The following FMNL2 variants were observed in gnomAD, a reference collection of about 807,000 sequenced individuals.
The protein encoded by FMNL2 is formin-like protein 2.
A neutral mutation model predicts 130.2 loss-of-function variants in FMNL2; 51 were observed. The ratio of observed to expected loss-of-function variants is 0.39; its 90% CI spans 0.31 to 0.49. The LOEUF is 0.49. Ranked by LOEUF, FMNL2 falls within the 20% of genes least tolerant of loss-of-function variation. FMNL2 has a pLI of 0.85. For synonymous variants in FMNL2, 465 were observed against 467.1 expected (o/e 1.00, Z 0.06); for missense variants, 977 against 1,316.2 (o/e 0.74, Z 3.99).
At chr2:152,430,691 G>A (rs1291369821) in intron 1 of FMNL2, among the ~76,000 whole-genome samples, 1 of 152,136 alleles carries the variant, frequency 6.6e-6, no homozygotes, top group Admixed American at 6.6e-5. Context: ...TGGGCAACAT[G>A]GTGAAACCTC....
intron 6 of FMNL2, among the ~76,000 whole-genome samples, chr2:152,574,403 G>A (rs1320803851): frequency 1.4e-5 from 2 of 140,974 alleles, no homozygotes; most frequent in Non-Finnish European, 3.0e-5. Flanking sequence ...GCCACTGCAC[G>A]CCAGCCTGGT....
intron 1 of FMNL2, among the ~76,000 whole-genome samples, chr2:152,503,358 A>G (rs1364833641): frequency 1.3e-5 from 2 of 152,138 alleles, no homozygotes; most frequent in African/African-American, 2.4e-5. Context: ...CTGACCTATT[A>G]TAGGATTCTT....
At chr2:152,455,916 C>T (rs918507500) in intron 1 of FMNL2, among the ~76,000 whole-genome samples, 13 of 152,128 alleles carry the variant, frequency 8.5e-5, no homozygotes, top group African/African-American at 2.2e-4. Context: ...GGTCTCACTA[C>T]GTTGCCCAGT....
chr2:152,510,825 T>C (rs1190839045), intron 1 of FMNL2, among the ~76,000 whole-genome samples: 1 of 152,204 alleles, frequency 6.6e-6, no homozygotes, highest in Non-Finnish European at 1.5e-5. Flanking sequence ...TTGGCTGGGC[T>C]TGTCTGGAGA....
intron 1 of FMNL2, chr2:152,390,393 G>C: frequency 1.9e-6 from 2 of 1,066,424 alleles, no homozygotes; most frequent in Non-Finnish European, 2.9e-6. Flanking sequence ...CAATAAGATG[G>C]AGTGGTGGAG....
At chr2:152,411,794 G>T (rs1374165646) in intron 1 of FMNL2, among the ~76,000 whole-genome samples, 1 of 152,208 alleles carries the variant, frequency 6.6e-6, no homozygotes, top group Non-Finnish European at 1.5e-5. Context: ...ACTTCTGGGA[G>T]CTGAGCACAT....
At chr2:152,514,831 T>A (rs1193802903) in intron 1 of FMNL2, among the ~76,000 whole-genome samples, 1 of 152,164 alleles carries the variant, frequency 6.6e-6, no homozygotes, top group African/African-American at 2.4e-5. Context: ...CTCAGGGAAC[T>A]GAAATAGCGA....
chr2:152,341,514 C>T (rs914566938), intron 1 of FMNL2, among the ~76,000 whole-genome samples: 10 of 152,272 alleles, frequency 6.6e-5, no homozygotes, highest in Admixed American at 5.9e-4. Flanking sequence ...TAGCATTGGC[C>T]TGGGAGGCAG....
intron 1 of FMNL2, among the ~76,000 whole-genome samples, chr2:152,449,526 G>T (rs2105058846): frequency 6.6e-6 from 1 of 152,254 alleles, no homozygotes; most frequent in South Asian, 2.1e-4. Context: ...GGTTCTCATG[G>T]TAAGTGCCTC....
chr2:152,393,998 G>C, intron 1 of FMNL2, among the ~76,000 whole-genome samples: 2 of 152,316 alleles, frequency 1.3e-5, no homozygotes, highest in Admixed American at 1.3e-4. Context: ...GGCTGTAGAA[G>C]AACAGGCGGT....
At chr2:152,554,707 A>G in intron 4 of FMNL2, among the ~76,000 whole-genome samples, 1 of 152,234 alleles carries the variant, frequency 6.6e-6, no homozygotes, top group Non-Finnish European at 1.5e-5. Flanking sequence ...GTCATCAGCA[A>G]CAAATACTGT....
chr2:152,520,020 T>G (rs1692996447), intron 1 of FMNL2, among the ~76,000 whole-genome samples: 1 of 152,198 alleles, frequency 6.6e-6, no homozygotes, highest in Non-Finnish European at 1.5e-5. Context: ...TACCAGTAAA[T>G]AACATTAGAC....
chr2:152,379,712 G>A (rs149393126), intron 1 of FMNL2, among the ~76,000 whole-genome samples: 1 of 152,214 alleles, frequency 6.6e-6, no homozygotes, highest in Non-Finnish European at 1.5e-5. Context: ...TTGGGTGGGT[G>A]CCCTGTCAAT....
At position 152,347,224 on chromosome 2, in the gene FMNL2, T is replaced by C. The variant is rs1682178117; in HGVS notation, c.117+11504T>C. On this transcript the variant is annotated intron_variant, in intron 1 of 25. Transcript: ENST00000288670. ...GCTTCTGGTCTCCCAGCCACAGTTA[T>C]TGCTCACCTGAACTTACTTTCTCAG... Among the ~76,000 whole-genome samples the C allele has an allele frequency of 2.0e-5, 3 of 152,202 alleles. No homozygotes were observed. In the South Asian group the frequency reaches 6.2e-4, roughly 32 times the overall value.
At chr2:152,358,004 T>G (rs1682930663) in intron 1 of FMNL2, among the ~76,000 whole-genome samples, 2 of 152,190 alleles carry the variant, frequency 1.3e-5, no homozygotes, top group African/African-American at 4.8e-5. Context: ...CCACCCTCAA[T>G]CTGGGTGGGC....
chr2:152,590,871 A>G (rs972527325), intron 9 of FMNL2, among the ~76,000 whole-genome samples: 1 of 151,888 alleles, frequency 6.6e-6, no homozygotes, highest in African/African-American at 2.4e-5. Flanking sequence ...GCACTGGGAC[A>G]ACTCCTTTGT....
At chr2:152,489,291 A>G (rs1691011382) in intron 1 of FMNL2, among the ~76,000 whole-genome samples, 1 of 152,250 alleles carries the variant, frequency 6.6e-6, no homozygotes, top group South Asian at 2.1e-4. Flanking sequence ...CAGGAAGGAA[A>G]TACTCCATCT....
intron 1 of FMNL2, among the ~76,000 whole-genome samples, chr2:152,345,479 T>C (rs1682064595): frequency 6.6e-6 from 1 of 152,252 alleles, no homozygotes; most frequent in African/African-American, 2.4e-5. Context: ...AGTTCAGTAC[T>C]GCTAAATGTC....
At chr2:152,412,294 A>G (rs1462993158) in intron 1 of FMNL2, among the ~76,000 whole-genome samples, 1 of 151,754 alleles carries the variant, frequency 6.6e-6, no homozygotes, top group African/African-American at 2.4e-5. Context: ...ACCAAAAGAT[A>G]GACTTTTTCC....
Sources: allele counts gnomAD v4.1 joint callset (sites outside exome capture counted in the v4.1 genomes callset), GRCh38; gene constraint gnomAD v4.1.1; transcripts MANE v1.5; gene names NCBI Gene and HGNC (gene_info 2026-07-23, HGNC 2026-07-21).